MITD1: variants seen among roughly 807,000 people sequenced by gnomAD.
The protein encoded by MITD1 is MIT domain-containing protein 1.
Under a neutral mutation model 34.9 loss-of-function variants are expected in MITD1, and 24 were observed. That is an observed-to-expected ratio of 0.69 (90% CI 0.50 to 0.97). The LOEUF (loss-of-function observed/expected upper bound fraction) is 0.97, where lower values mean the gene tolerates loss of function less well. Ranked by LOEUF, MITD1 falls within the 50% of genes least tolerant of loss-of-function variation. The probability of loss-of-function intolerance (pLI) is 0.00; values close to 1 mark genes in which losing one functional copy is unlikely to be tolerated. For synonymous variants in MITD1, 102 were observed against 101.4 expected (o/e 1.01, Z -0.04); for missense variants, 266 against 294.6 (o/e 0.90, Z 0.71).
At chr2:99,165,662 T>C (rs2093823763), downstream of MITD1, among the ~76,000 whole-genome samples, 1 of 152,330 alleles carries the variant, frequency 6.6e-6, no homozygotes, top group African/African-American at 2.4e-5. Flanking sequence ...GGTCCCCTTA[T>C]ATGTTTGCGG....
At chr2:99,175,899 G>C (rs1053598272) in intron 1 of MITD1, among the ~76,000 whole-genome samples, 1 of 152,198 alleles carries the variant, frequency 6.6e-6, no homozygotes, top group Non-Finnish European at 1.5e-5. Flanking sequence ...TGTCAAGCCC[G>C]CATCGCTATT....
Position 99,180,879 on chromosome 2 carries a change from G to A in MITD1, c.103C>T (p.Leu35=), listed in dbSNP as rs756324338. 1.1e-4 allele frequency: 175 copies of A among 1,614,072 alleles called. No individual in the cohort carries two copies. The highest frequency in any genetic ancestry group is 1.3e-4 in the Non-Finnish European group (157 of 1,180,048). Residue 35 remains leucine, a synonymous_variant, in exon 1 of 7, where the codon CTG becomes TTG. Transcript: ENST00000289359. ...TCAATCCCCTCTTGGTAACACACCA[G>A]AGCCTGCGGATACCGCGACTCCGAA... ...LDSESRYPQA[L]VCYQEGIDLL... is the part of the protein sequence containing the mutation.
At chr2:99,171,897 G>A in intron 2 of MITD1, 1 of 413,980 alleles carries the variant, frequency 2.4e-6, no homozygotes, top group Non-Finnish European at 4.3e-6. Context: ...AAATCTAGAG[G>A]TTTCCTGGAA....
At chr2:99,167,578 G>A (rs1294042539), downstream of MITD1, among the ~76,000 whole-genome samples, 1 of 152,082 alleles carries the variant, frequency 6.6e-6, no homozygotes, top group Non-Finnish European at 1.5e-5. Flanking sequence ...CCATAGTAAC[G>A]ATTCATATGC....
chr2:99,169,688 C>A, intron 5 of MITD1, 78 bp from the exon 6 acceptor site: 2 of 1,224,924 alleles, frequency 1.6e-6, no homozygotes, highest in South Asian at 2.6e-5. Flanking sequence ...TATTAAGTGT[C>A]AGCAAAATTT....
At chr2:99,173,883 T>G (rs774601456) in intron 2 of MITD1, 32 bp downstream of exon 2, 2 of 1,338,718 alleles carry the variant, frequency 1.5e-6, no homozygotes, top group Non-Finnish European at 2.2e-6. Flanking sequence ...CACAGTTGTT[T>G]ATGGATGCAT....
intron 7 of MITD1, chr2:99,162,973 C>T (rs754342753): frequency 6.2e-7 from 1 of 1,613,752 alleles, no homozygotes; most frequent in South Asian, 1.1e-5. Flanking sequence ...TTTTGCCCAA[C>T]TGAAACTACC....
At chr2:99,179,840 A>C (rs1237556566) in intron 1 of MITD1, among the ~76,000 whole-genome samples, 1 of 152,176 alleles carries the variant, frequency 6.6e-6, no homozygotes, top group Non-Finnish European at 1.5e-5. Context: ...CTGGGATTAC[A>C]GGAGTGAGCC....
chr2:99,175,933 A>AT (rs900831437), intron 1 of MITD1, among the ~76,000 whole-genome samples: 1 of 151,804 alleles, frequency 6.6e-6, no homozygotes, highest in Non-Finnish European at 1.5e-5. Flanking sequence ...TTGATTCAGG[A>AT]TTTTTTTGTT....
At chr2:99,162,709 C>T (rs1433605011) in intron 7 of MITD1, 6 of 1,614,036 alleles carry the variant, frequency 3.7e-6, no homozygotes, top group Admixed American at 1.7e-5. Flanking sequence ...ATAAACCCAA[C>T]GGATGAGACA....
intron 2 of MITD1, chr2:99,172,980 A>G (rs1284840394): frequency 6.6e-6 from 1 of 152,260 alleles, no homozygotes; most frequent in Non-Finnish European, 1.5e-5. Flanking sequence ...ATTTCCACAT[A>G]GATAACATTG....
At chr2:99,166,858 AAT>A (rs10584187), downstream of MITD1, among the ~76,000 whole-genome samples, 4,322 of 114,838 alleles carry the variant, frequency 0.038, 71 homozygotes, top group South Asian at 0.084. Context: ...TGGGGTTTTA[AAT>A]ATATATATAT....
chr2:99,175,113 A>G (rs976225152), intron 1 of MITD1, among the ~76,000 whole-genome samples: 4 of 152,192 alleles, frequency 2.6e-5, no homozygotes, highest in Non-Finnish European at 4.4e-5. Context: ...GGTACAGATA[A>G]CCTCCTTCAC....
chr2:99,177,114 A>T (rs191798681), intron 1 of MITD1, among the ~76,000 whole-genome samples: 1 of 152,204 alleles, frequency 6.6e-6, no homozygotes, highest in East Asian at 1.9e-4. Context: ...GCTTTCCCCC[A>T]TCCCTCTCCT....
chr2:99,179,626 G>A (rs2093904636), intron 1 of MITD1, among the ~76,000 whole-genome samples: 2 of 152,044 alleles, frequency 1.3e-5, no homozygotes. Flanking sequence ...GCAGTGGCGC[G>A]ATCTCGGCTC....
intron 7 of MITD1, among the ~76,000 whole-genome samples, chr2:99,164,262 G>A (rs2093815900): frequency 6.6e-6 from 1 of 152,148 alleles, no homozygotes; most frequent in South Asian, 2.1e-4. Context: ...ATAATTTGGT[G>A]AGAGTTGAGG....
chr2:99,170,813 A>G (rs1192280599), intron 4 of MITD1, 161 bp from the exon 5 acceptor site: 3 of 424,008 alleles, frequency 7.1e-6, no homozygotes, highest in Non-Finnish European at 1.3e-5. Context: ...GAGGTAGTTT[A>G]AAGAGCAATT....
intron 7 of MITD1, chr2:99,163,283 A>C (rs911624532): frequency 1.6e-4 from 57 of 358,334 alleles, no homozygotes; most frequent in Non-Finnish European, 1.5e-5. Context: ...TCTGACCTCT[A>C]GGATCCTCTT....
rs147100901 is a variant in MITD1 at position 99,169,860 on chromosome 2, C to T, written c.594-250G>A. Among the ~76,000 whole-genome samples the T allele has an allele frequency of 5.5e-3, 832 of 152,222 alleles. 41 individuals carry two copies. The highest frequency in any genetic ancestry group is 0.051 in the Admixed American group (775 of 15,282). On this transcript the variant is annotated intron_variant, in intron 5 of 6. Coordinates refer to ENST00000289359, the MANE Select transcript of MITD1 (RefSeq NM_138798.3). ...TTTCAGCTTGTTGATAAAACTTTTT[C>T]GTGTTCTGCTAACAAGTGGTGGCAA...
Sources: gnomAD v4.1 joint callset for allele counts (sites outside exome capture counted in the v4.1 genomes callset) on GRCh38, gnomAD v4.1.1 for gene constraint, MANE v1.5 for transcripts, NCBI Gene and HGNC (gene_info 2026-07-23, HGNC 2026-07-21) for gene names.